RCC1L: variants seen among roughly 807,000 people sequenced by gnomAD.
RCC1L encodes RCC1-like G exchanging factor-like protein.
A neutral mutation model predicts 58.6 loss-of-function variants in RCC1L; 46 were observed. The ratio of observed to expected loss-of-function variants is 0.79; its 90% CI spans 0.62 to 1.00. The LOEUF (loss-of-function observed/expected upper bound fraction) is 1.00. Among genes scored for constraint, RCC1L ranks in the 50% least tolerant of loss-of-function variants. The probability of loss-of-function intolerance (pLI) is 0.00; values close to 1 mark genes in which losing one functional copy is unlikely to be tolerated. For synonymous variants in RCC1L, 281 were observed against 262.9 expected, an observed-to-expected ratio of 1.07 and a Z score of -0.67; for missense variants, 636 against 623.6, an observed-to-expected ratio of 1.02 and a Z score of -0.21.
intron 9 of RCC1L, among the ~76,000 whole-genome samples, chr7:75,053,564 C>T (rs982589054): frequency 5.3e-5 from 8 of 152,168 alleles, no homozygotes; most frequent in Non-Finnish European, 8.8e-5. Flanking sequence ...AGAGACGGAA[C>T]AGACAGATGA....
exon 11 of RCC1L, chr7:75,027,796 C>T: frequency 1.7e-6 from 1 of 571,904 alleles, no homozygotes; most frequent in Non-Finnish European, 3.1e-6. Context: ...TCTCGGCGTT[C>T]TGTGTGTAGC....
chr7:75,048,493 C>G (rs1018988779), intron 10 of RCC1L, among the ~76,000 whole-genome samples: 1 of 152,230 alleles, frequency 6.6e-6, no homozygotes. Flanking sequence ...CAAGCCCCTT[C>G]GCTCCTGACT....
intron 9 of RCC1L, 36 bp from the exon 10 acceptor site, chr7:75,052,832 G>A (rs1554443504): frequency 2.5e-6 from 4 of 1,586,114 alleles, no homozygotes; most frequent in Non-Finnish European, 3.4e-6. Flanking sequence ...GGTTGGGACT[G>A]TGTGAAGAAC....
chr7:75,072,155 C>CATACATATATATATATAT (rs1806760182), intron 1 of RCC1L, among the ~76,000 whole-genome samples: 1 of 48,150 alleles, frequency 2.1e-5, no homozygotes, highest in Non-Finnish European at 4.3e-5. Flanking sequence ...TATACATATA[C>CATACATATATATATATAT]ATATACATAT....
chr7:75,064,540 C>T (rs942918610), intron 4 of RCC1L, 42 bp downstream of exon 4: 146 of 1,610,636 alleles, frequency 9.1e-5, no homozygotes, highest in Non-Finnish European at 1.2e-4. Flanking sequence ...TGTTTTGACA[C>T]TTAACTCAAC....
At chr7:75,043,139 T>C (rs1211452022) in intron 10 of RCC1L, 30 bp from the exon 11 acceptor site, 1 of 1,613,204 alleles carries the variant, frequency 6.2e-7, no homozygotes, top group Non-Finnish European at 8.5e-7. Context: ...ATACCATGGG[T>C]GGGGGTGGCG....
chr7:75,069,190 TTTC>T (rs1246623339), intron 2 of RCC1L, among the ~76,000 whole-genome samples: 13 of 149,948 alleles, frequency 8.7e-5, no homozygotes, highest in African/African-American at 3.2e-4. Flanking sequence ...TTAGGAACTC[TTTC>T]TTTTTTCTTT....
chr7:75,047,033 C>T (rs1805742881), intron 10 of RCC1L, among the ~76,000 whole-genome samples: 1 of 152,184 alleles, frequency 6.6e-6, no homozygotes, highest in Non-Finnish European at 1.5e-5. Context: ...TCTCGGCTCA[C>T]TGCAACCTCC....
chr7:75,055,843 C>G, intron 9 of RCC1L, 58 bp downstream of exon 9: 1 of 1,606,712 alleles, frequency 6.2e-7, no homozygotes, highest in South Asian at 1.1e-5. Flanking sequence ...TGGGGTTGAA[C>G]TGGAGACAGA....
intron 2 of RCC1L, among the ~76,000 whole-genome samples, chr7:75,067,385 T>C (rs781935209): frequency 1.7e-4 from 26 of 152,218 alleles, no homozygotes; most frequent in African/African-American, 6.3e-4. Flanking sequence ...TCCCAGCGCT[T>C]TGGGAGGCCA....
At chr7:75,031,617 C>T (rs1805309083) in intron 10 of RCC1L, among the ~76,000 whole-genome samples, 1 of 152,022 alleles carries the variant, frequency 6.6e-6, no homozygotes, top group East Asian at 1.9e-4. Flanking sequence ...GTCGGGGGAA[C>T]ACAGGCCAGG....
At chr7:75,060,371 C>T (rs76602058) in intron 6 of RCC1L, among the ~76,000 whole-genome samples, 17,362 of 152,304 alleles carry the variant, frequency 0.11, 1,140 homozygotes, top group Middle Eastern at 0.31. Context: ...TACCCCCATA[C>T]CAAGTGCCAA....
intron 10 of RCC1L, among the ~76,000 whole-genome samples, chr7:75,033,071 CA>C (rs71098024): frequency 0.19 from 13,539 of 69,980 alleles, 444 homozygotes; most frequent in Middle Eastern, 0.32. Flanking sequence ...GACTTTGTCT[CA>C]AAAAAAAAAA....
rs1052839737 is a variant in RCC1L, at chr7:75,073,434, G to C, written c.304C>G (p.Arg102Gly). ...PRRRIQPVPY[R>G]LELDQKISSA... ...TGCACCTTTTGGTCCAGCTCCAGGC[G>C]ATAGGGCACGGGCTGGATCCTGCGG... Residue 102 changes from arginine (R) to glycine (G), a missense_variant, in exon 1 of 11, where the codon CGC becomes GGC. Coordinates refer to ENST00000610322, the MANE Select transcript of RCC1L (RefSeq NM_030798.5). The C allele has an allele frequency of 3.0e-6, 4 of 1,331,544 alleles. No individual in the cohort carries two copies. Among genetic ancestry groups the C allele is most frequent in the Non-Finnish European group, 3.9e-6 (4 of 1,036,220 alleles). The allele number at this position is 1,331,544 out of a possible 1,614,324, so 82.5% of individuals were successfully genotyped here.
In RCC1L at chr7:75,042,994, G is replaced by A; in HGVS notation, c.*38C>T. ...TGGCCTCTGCCAAGGAGTGCCAGTG[G>A]TTCCCGGGACGGGGCCGCCCAAGCA... On this transcript the variant is annotated 3_prime_UTR_variant, in exon 11 of 11. Transcript: ENST00000610322. 1 of 1,613,966 alleles carries A rather than the reference G, an allele frequency of 6.2e-7. No homozygotes were observed. The highest frequency in any genetic ancestry group is 8.5e-7 in the Non-Finnish European group (1 of 1,179,854).
chr7:75,064,789 C>T, intron 3 of RCC1L, 141 bp from the exon 4 acceptor site: 1 of 888,650 alleles, frequency 1.1e-6, no homozygotes, highest in Non-Finnish European at 1.9e-6. Context: ...CCTTCTCCAA[C>T]TTTCTCAGGC....
chr7:75,051,728 C>T (rs1047368075), intron 10 of RCC1L, among the ~76,000 whole-genome samples: 3 of 152,258 alleles, frequency 2.0e-5, no homozygotes, highest in South Asian at 2.1e-4. Flanking sequence ...TTTTTAAAAA[C>T]GCTTTTCACA....
At chr7:75,072,196 A>AGG (rs1806786750) in intron 1 of RCC1L, among the ~76,000 whole-genome samples, 1 of 131,788 alleles carries the variant, frequency 7.6e-6, no homozygotes, top group African/African-American at 2.7e-5. Flanking sequence ...ATATATGGAG[A>AGG]GAGAGAGAGA....
chr7:75,072,219 T>C (rs1806789164), intron 1 of RCC1L, among the ~76,000 whole-genome samples: 1 of 109,758 alleles, frequency 9.1e-6, no homozygotes, highest in African/African-American at 3.2e-5. Context: ...GAGAGATGAG[T>C]TCTCACTGTG....
Sources: gnomAD v4.1 joint callset for allele counts (sites outside exome capture counted in the v4.1 genomes callset) on GRCh38, gnomAD v4.1.1 for gene constraint, MANE v1.5 for transcripts, NCBI Gene and HGNC (gene_info 2026-07-23, HGNC 2026-07-21) for gene names.